Variants in PRKAR1B observed in about 807,000 individuals in gnomAD.
PRKAR1B encodes protein kinase cAMP-dependent type I regulatory subunit beta.
PRKAR1B carries 22 observed loss-of-function variants against 46.5 expected under a neutral mutation model. The ratio of observed to expected loss-of-function variants is 0.47; its 90% CI spans 0.34 to 0.68. The LOEUF (loss-of-function observed/expected upper bound fraction) is 0.68, where lower values mean the gene tolerates loss of function less well. Ranked by LOEUF, PRKAR1B falls within the 30% of genes least tolerant of loss-of-function variation. PRKAR1B has a pLI of 0.01. For missense variants in PRKAR1B, 445 were observed against 535.6 expected (o/e 0.83, Z 1.67); for synonymous variants, 259 against 217.7 (o/e 1.19, Z -1.67).
intron 9 of PRKAR1B, among the ~76,000 whole-genome samples, chr7:578,000 T>C (rs537428992): frequency 1.3e-5 from 2 of 152,346 alleles, no homozygotes; most frequent in East Asian, 3.9e-4. Context: ...GGGTGGTAAT[T>C]TTCCGGGTCA....
intron 9 of PRKAR1B, among the ~76,000 whole-genome samples, chr7:553,380 G>A (rs1175162665): frequency 2.6e-5 from 4 of 152,198 alleles, no homozygotes; most frequent in South Asian, 4.1e-4. Context: ...ACCACGCTCC[G>A]ACCGGTCCCT....
intron 4 of PRKAR1B, among the ~76,000 whole-genome samples, chr7:629,146 C>T (rs535391323): frequency 1.2e-4 from 19 of 152,370 alleles, no homozygotes; most frequent in African/African-American, 4.6e-4. Context: ...CAGGACAGGG[C>T]ACGTTTTCCA....
intron 9 of PRKAR1B, among the ~76,000 whole-genome samples, chr7:575,098 C>A (rs1195652592): frequency 6.6e-6 from 1 of 152,186 alleles, no homozygotes; most frequent in Non-Finnish European, 1.5e-5. Flanking sequence ...TTGTTGTTAC[C>A]CTTCACAGTT....
In PRKAR1B at chr7:673,604, G is replaced by A. The variant is rs530365422; in HGVS notation, c.440+3625C>T. Reference sequence around the variant, plus strand: ...GCAGAGCTTGCAGTGAGCCGAGATCGCCCCACTGCACTGAAGCCTGGGCAA... The same window carrying A: ...GCAGAGCTTGCAGTGAGCCGAGATCACCCCACTGCACTGAAGCCTGGGCAA... On this transcript the variant is annotated intron_variant, in intron 4 of 10. Coordinates refer to ENST00000537384, the MANE Select transcript of PRKAR1B (RefSeq NM_001164760.2). 1.1e-3 allele frequency among the ~76,000 whole-genome samples: 163 copies of A among 150,364 alleles called. 1 individual carries two copies. The highest frequency in any genetic ancestry group is 0.01 in the Middle Eastern group (3 of 294).
chr7:668,217 G>A (rs540203592), intron 4 of PRKAR1B, among the ~76,000 whole-genome samples: 4 of 152,320 alleles, frequency 2.6e-5, no homozygotes, highest in African/African-American at 9.6e-5. Context: ...CAAAGTCAGG[G>A]GTGTGCCAGA....
At chr7:672,851 G>A (rs1419331739) in intron 4 of PRKAR1B, among the ~76,000 whole-genome samples, 1 of 151,758 alleles carries the variant, frequency 6.6e-6, no homozygotes, top group Non-Finnish European at 1.5e-5. Flanking sequence ...TGGGCAAGAA[G>A]AGTGAAACTC....
chr7:682,629 C>T (rs1267926775), intron 2 of PRKAR1B, among the ~76,000 whole-genome samples: 1 of 151,958 alleles, frequency 6.6e-6, no homozygotes, highest in Non-Finnish European at 1.5e-5. Flanking sequence ...CCTGTAGTCC[C>T]AGCTACTCCG....
chr7:575,009 T>C (rs1779736544), intron 9 of PRKAR1B, among the ~76,000 whole-genome samples: 1 of 152,250 alleles, frequency 6.6e-6, no homozygotes, highest in African/African-American at 2.4e-5. Flanking sequence ...GGAAGGGCTC[T>C]ACTGACGTAC....
intron 4 of PRKAR1B, among the ~76,000 whole-genome samples, chr7:664,255 C>T (rs1785779887): frequency 6.6e-6 from 1 of 152,196 alleles, no homozygotes; most frequent in Non-Finnish European, 1.5e-5. Flanking sequence ...CCCATGGCGT[C>T]CGTCGGAATG....
At position 704,904 on chromosome 7, in the gene PRKAR1B, C is replaced by T. The variant is rs145403271; in HGVS notation, c.177+6425G>A. ...CCTAATAAGAAAAATGGACAAAATA[C>T]ATGAACAGACACTTCACCAAAGAAG... On this transcript the variant is annotated intron_variant, in intron 2 of 10. Coordinates refer to ENST00000537384, the MANE Select transcript of PRKAR1B (RefSeq NM_001164760.2). 3.4e-3 allele frequency among the ~76,000 whole-genome samples: 512 copies of T among 152,246 alleles called. 1 individual carries two copies. Among genetic ancestry groups the T allele is most frequent in the Admixed American group, 5.1e-3 (78 of 15,286 alleles).
At chr7:660,786 C>A (rs181701281) in intron 4 of PRKAR1B, among the ~76,000 whole-genome samples, 95 of 101,638 alleles carry the variant, frequency 9.3e-4, no homozygotes, top group Middle Eastern at 6.0e-3. Context: ...CAGGTCCCCA[C>A]CCCAACAGAT....
intron 4 of PRKAR1B, among the ~76,000 whole-genome samples, chr7:651,654 G>A (rs1018508252): frequency 6.7e-6 from 1 of 148,364 alleles, no homozygotes; most frequent in Admixed American, 6.7e-5. Flanking sequence ...GGAACCTGGG[G>A]AAACCCCTCT....
At chr7:686,602 A>G (rs879268261) in intron 2 of PRKAR1B, among the ~76,000 whole-genome samples, 2 of 152,132 alleles carry the variant, frequency 1.3e-5, no homozygotes, top group Admixed American at 6.6e-5. Context: ...TAAAGTATAA[A>G]TCAGGTTTTT....
intron 4 of PRKAR1B, among the ~76,000 whole-genome samples, chr7:651,139 GC>G (rs1457975634): frequency 6.6e-6 from 1 of 152,186 alleles, no homozygotes; most frequent in African/African-American, 2.4e-5. Flanking sequence ...AATCTACTCT[GC>G]CCTGTCTCTG....
At position 571,858 on chromosome 7, in the gene PRKAR1B, C is replaced by T. The variant is rs191159946; in HGVS notation, c.891+7398G>A. Among the ~76,000 whole-genome samples, 535 of 152,328 alleles carry T rather than the reference C, an allele frequency of 3.5e-3. 3 individuals carry two copies. The highest frequency in any genetic ancestry group is 0.012 in the African/African-American group (515 of 41,580). ...CGTCCGCGGTGAGGTGACGGAACAG[C>T]TGGACCGTCCCCGCCTCCGGGAGCC... On this transcript the variant is annotated intron_variant, in intron 9 of 10. Coordinates refer to ENST00000537384, the MANE Select transcript of PRKAR1B (RefSeq NM_001164760.2).
rs1250437649 is a variant in PRKAR1B at position 596,178 on chromosome 7, TC to T, written c.675del (p.Ile226SerfsTer15). ...ATGCGCCGGTAGCTGTCCCGGTCGA[TC>T]CCCCAGAGCTTGAGGTCCGTCTTGG... ...VKAKTDLKLWGIDRDSYRRIL... is the reference protein window; with the variant it reads ...VKAKTDLKLWXIDRDSYRRIL... On this transcript the variant is annotated frameshift_variant, in exon 7 of 11. Coordinates refer to ENST00000537384, the MANE Select transcript of PRKAR1B (RefSeq NM_001164760.2). LOFTEE classifies it high-confidence loss of function. 1 of 1,613,730 alleles carries T rather than the reference TC, an allele frequency of 6.2e-7. No individual in the cohort carries two copies. Among genetic ancestry groups the T allele is most frequent in the Admixed American group, 1.7e-5 (1 of 59,994 alleles).
chr7:652,321 C>T (rs1468327350), intron 4 of PRKAR1B, among the ~76,000 whole-genome samples: 1 of 149,994 alleles, frequency 6.7e-6, no homozygotes, highest in Non-Finnish European at 1.5e-5. Context: ...CCTGGGGAAA[C>T]CCCTCTCGGA....
At chr7:550,889 G>GGACCCA (rs1474629271) in intron 10 of PRKAR1B, among the ~76,000 whole-genome samples, 3 of 151,778 alleles carry the variant, frequency 2.0e-5, no homozygotes, top group Non-Finnish European at 4.4e-5. Context: ...GCCTCCCTTA[G>GGACCCA]GACCCAGACC....
intron 2 of PRKAR1B, among the ~76,000 whole-genome samples, chr7:701,420 T>C (rs1780064536): frequency 6.6e-6 from 1 of 152,128 alleles, no homozygotes; most frequent in Non-Finnish European, 1.5e-5. Flanking sequence ...TTCATGTCAC[T>C]GGAGTCCCTG....
Sources: allele counts gnomAD v4.1 joint callset (sites outside exome capture counted in the v4.1 genomes callset), GRCh38; gene constraint gnomAD v4.1.1; transcripts MANE v1.5; gene names NCBI Gene and HGNC (gene_info 2026-07-23, HGNC 2026-07-21).